The following TEX11 variants were observed in gnomAD, a reference collection of about 807,000 sequenced individuals.
TEX11 encodes the protein testis-expressed protein 11.
TEX11 carries 7 observed loss-of-function variants against 84.4 expected under a neutral mutation model. That is an observed-to-expected ratio of 0.08 (90% CI 0.05 to 0.16). The LOEUF is 0.16. TEX11 is among the 10% of genes least tolerant of loss of function. The pLI, the probability that TEX11 is intolerant of heterozygous loss-of-function variation, is 1.00. For synonymous variants in TEX11, 264 were observed against 222.8 expected (o/e 1.18, Z -1.64); for missense variants, 551 against 660.5 (o/e 0.83, Z 1.82).
chrX:70,815,646 A>G lies in TEX11; in HGVS notation c.607-8856T>C, dbSNP rs765864647. Among the ~76,000 whole-genome samples, 5 of 111,708 alleles carry G rather than the reference A, an allele frequency of 4.5e-5. No individual in the cohort carries two copies. In the South Asian group the frequency reaches 1.9e-3, roughly 42 times the overall value. On this transcript the variant is annotated intron_variant, in intron 8 of 29. Transcript: ENST00000374333. Reference sequence around the variant, plus strand: ...ATATATACGAAAAAACATAGTATATATAGGATTTGGTACTATCCGCAGTTT... The same window carrying G: ...ATATATACGAAAAAACATAGTATATGTAGGATTTGGTACTATCCGCAGTTT...
rs186136481 is a variant in TEX11 at position 70,760,699 on chromosome X, G to A, written c.693-16480C>T. On this transcript the variant is annotated intron_variant, in intron 9 of 29. Transcript: ENST00000374333. Reference sequence around the variant, plus strand: ...AATACCATTCAGGACATAGGCATGCGCAAAGACTTCATGACTAAAACACCA... The same window carrying A: ...AATACCATTCAGGACATAGGCATGCACAAAGACTTCATGACTAAAACACCA... Among the ~76,000 whole-genome samples the A allele has an allele frequency of 3.4e-4, 38 of 111,795 alleles. No homozygotes were observed. In the East Asian group the frequency reaches 5.0e-3, roughly 15 times the overall value.
intron 13 of TEX11, among the ~76,000 whole-genome samples, chrX:70,691,725 A>C (rs1422548693): frequency 9.0e-6 from 1 of 111,206 alleles, no homozygotes; most frequent in Non-Finnish European, 1.9e-5. Context: ...AAATTGATTA[A>C]GTTCTGGAGA....
chrX:70,681,447 T>A (rs1183159541), intron 14 of TEX11, among the ~76,000 whole-genome samples: 1 of 112,399 alleles, frequency 8.9e-6, no homozygotes, highest in Admixed American at 9.4e-5. Flanking sequence ...ATTTAAAAAG[T>A]CTGAATATTT....
intron 22 of TEX11, among the ~76,000 whole-genome samples, chrX:70,608,422 T>G (rs955725105): frequency 2.7e-5 from 3 of 112,353 alleles, no homozygotes; most frequent in Non-Finnish European, 5.6e-5. Context: ...ATAGTTCATT[T>G]TTGGTCAATC....
chrX:70,625,046 A>G (rs2089435355), intron 18 of TEX11, 122 bp from the exon 19 acceptor site: 1 of 503,539 alleles, frequency 2.0e-6, no homozygotes, highest in South Asian at 3.6e-5. Flanking sequence ...GTATTCTCAA[A>G]AACGCTACTG....
At chrX:70,755,270 G>GT (rs1240808541) in intron 9 of TEX11, among the ~76,000 whole-genome samples, 1 of 111,781 alleles carries the variant, frequency 8.9e-6, no homozygotes, top group Non-Finnish European at 1.9e-5. Context: ...AACTTAACAA[G>GT]TTTTTGTTAA....
chrX:70,720,105 G>A, intron 13 of TEX11, among the ~76,000 whole-genome samples: 1 of 111,910 alleles, frequency 8.9e-6, no homozygotes, highest in East Asian at 2.8e-4. Flanking sequence ...CAATAGGAAA[G>A]ACTTGGAACC....
intron 28 of TEX11, among the ~76,000 whole-genome samples, chrX:70,533,494 T>C (rs1374110565): frequency 9.0e-6 from 1 of 110,657 alleles, no homozygotes; most frequent in Admixed American, 9.7e-5. Context: ...AGTTGGGTGG[T>C]AAGAGGGAAA....
chrX:70,767,630 C>G (rs1260007692), intron 9 of TEX11, among the ~76,000 whole-genome samples: 1 of 111,624 alleles, frequency 9.0e-6, no homozygotes, highest in African/African-American at 3.3e-5. Flanking sequence ...TGGTTATATA[C>G]CCAGAAGAAA....
downstream of TEX11, among the ~76,000 whole-genome samples, chrX:70,526,095 G>A (rs760422343): frequency 3.6e-5 from 4 of 111,890 alleles, no homozygotes; most frequent in Non-Finnish European, 5.6e-5. Context: ...TCTTGGTCAG[G>A]TTGGTGAGGT....
chrX:70,622,714 G>A (rs1436197927), intron 20 of TEX11, among the ~76,000 whole-genome samples: 1 of 111,505 alleles, frequency 9.0e-6, no homozygotes, highest in Non-Finnish European at 1.9e-5. Flanking sequence ...TAACAGACAA[G>A]CATAATGAAT....
chrX:70,841,460 C>T (rs1486439503), intron 7 of TEX11, among the ~76,000 whole-genome samples: 2 of 110,877 alleles, frequency 1.8e-5, no homozygotes, highest in Admixed American at 1.9e-4. Context: ...ATACCAGAAT[C>T]TCTGGGACAC....
At chrX:70,563,576 T>C (rs1260498836) in intron 25 of TEX11, among the ~76,000 whole-genome samples, 2 of 111,771 alleles carry the variant, frequency 1.8e-5, no homozygotes, top group Non-Finnish European at 3.8e-5. Flanking sequence ...GAAGTGGTGA[T>C]AGTGTATATC....
At chrX:70,607,143 G>C in intron 22 of TEX11, 114 bp from the exon 23 acceptor site, 1 of 496,383 alleles carries the variant, frequency 2.0e-6, no homozygotes, top group Non-Finnish European at 3.1e-6. Flanking sequence ...ACTAGTAAGG[G>C]GTTTCTCAAG....
rs151105458 is a variant in TEX11, at chrX:70,755,802, C to T, written c.693-11583G>A. 3.7e-3 allele frequency among the ~76,000 whole-genome samples: 421 copies of T among 112,383 alleles called. 2 individuals are homozygous for T. Among genetic ancestry groups the T allele is most frequent in the African/African-American group, 9.6e-3 (297 of 31,012 alleles). On this transcript the variant is annotated intron_variant, in intron 9 of 29. Coordinates refer to ENST00000374333, the MANE Select transcript of TEX11 (RefSeq NM_031276.3). ...AAGCAGGGCAGTGCATCGCCTCAAC[C>T]GGGAAGCACAAGGGGTCTGGGGACT...
chrX:70,802,670 A>G (rs1406874847), intron 9 of TEX11, among the ~76,000 whole-genome samples: 1 of 111,423 alleles, frequency 9.0e-6, no homozygotes, highest in Admixed American at 9.6e-5. Context: ...TAAATGACTT[A>G]GAAATAAAAC....
chrX:70,872,008 GA>G (rs202029939), intron 4 of TEX11, among the ~76,000 whole-genome samples: 5,026 of 105,879 alleles, frequency 0.047, 299 homozygotes, highest in African/African-American at 0.16. Flanking sequence ...AAAAGAAAAA[GA>G]AAAAAAGAAA....
chrX:70,728,558 G>A (rs1054671264), intron 11 of TEX11, among the ~76,000 whole-genome samples: 10 of 102,974 alleles, frequency 9.7e-5, no homozygotes, highest in Admixed American at 3.2e-4. Flanking sequence ...ACAGAGCCTC[G>A]CTCATTGCTA....
At chrX:70,547,425 A>T in intron 28 of TEX11, among the ~76,000 whole-genome samples, 1 of 111,550 alleles carries the variant, frequency 9.0e-6, no homozygotes, top group Non-Finnish European at 1.9e-5. Context: ...AATGGGATCT[A>T]ATTAAACTAA....
Sources: allele counts gnomAD v4.1 joint callset (sites outside exome capture counted in the v4.1 genomes callset), GRCh38; gene constraint gnomAD v4.1.1; transcripts MANE v1.5; gene names NCBI Gene and HGNC (gene_info 2026-07-23, HGNC 2026-07-21).